ORC2: variants seen among roughly 807,000 people sequenced by gnomAD.
ORC2 encodes the protein origin recognition complex protein 2 homolog.
A neutral mutation model predicts 77.7 loss-of-function variants in ORC2; 37 were observed. The observed-to-expected ratio is 0.48, with a 90% CI of 0.37 to 0.63. The LOEUF (loss-of-function observed/expected upper bound fraction) is 0.63. Among genes scored for constraint, ORC2 ranks in the 20% least tolerant of loss-of-function variants. The pLI is 0.00. For synonymous variants in ORC2, 201 were observed against 229.5 expected, an observed-to-expected ratio of 0.88 and a Z score of 1.12; for missense variants, 557 against 661.9, an observed-to-expected ratio of 0.84 and a Z score of 1.74.
intron 16 of ORC2, 32 bp from the exon 17 acceptor site, chr2:200,913,445 C>A: frequency 6.4e-7 from 1 of 1,556,518 alleles, no homozygotes; most frequent in South Asian, 1.1e-5. Flanking sequence ...GAACATAAGT[C>A]AGCACTTAAG....
chr2:200,961,065 G>A (rs1394654662), intron 1 of ORC2, among the ~76,000 whole-genome samples: 1 of 152,086 alleles, frequency 6.6e-6, no homozygotes, highest in African/African-American at 2.4e-5. Context: ...GTAAGCCACT[G>A]CACCTGGCAG....
intron 15 of ORC2, among the ~76,000 whole-genome samples, chr2:200,915,049 C>T (rs2040619834): frequency 1.0e-5 from 1 of 96,504 alleles, no homozygotes; most frequent in Non-Finnish European, 1.9e-5. Context: ...GAGTTTCGCT[C>T]TTGTTGCCCA....
intron 15 of ORC2, among the ~76,000 whole-genome samples, chr2:200,915,756 C>T (rs556399438): frequency 6.6e-6 from 1 of 151,794 alleles, no homozygotes; most frequent in Non-Finnish European, 1.5e-5. Context: ...TGCAGTGGTG[C>T]GATCTTGGCT....
intron 4 of ORC2, 60 bp from the exon 5 acceptor site, chr2:200,949,703 T>A (rs560209867): frequency 3.0e-6 from 3 of 984,744 alleles, no homozygotes; most frequent in East Asian, 2.4e-5. Flanking sequence ...CAGAAAAAAA[T>A]TTTAACAAAA....
intron 5 of ORC2, among the ~76,000 whole-genome samples, chr2:200,947,043 C>T (rs1386775505): frequency 6.6e-6 from 1 of 152,008 alleles, no homozygotes; most frequent in African/African-American, 2.4e-5. Flanking sequence ...GCCAGAATTA[C>T]AGGTGTGTGC....
intron 4 of ORC2, among the ~76,000 whole-genome samples, chr2:200,956,342 A>C: frequency 6.6e-6 from 1 of 150,964 alleles, no homozygotes; most frequent in African/African-American, 2.4e-5. Flanking sequence ...TGATCCTCCC[A>C]CCTCAGCCTC....
chr2:200,919,508 G>A (rs1041350367), intron 15 of ORC2, among the ~76,000 whole-genome samples: 1 of 152,122 alleles, frequency 6.6e-6, no homozygotes, highest in Non-Finnish European at 1.5e-5. Context: ...ACAGGTGCGT[G>A]CCACCACACC....
chr2:200,963,383 G>T, intron 1 of ORC2, 107 bp downstream of exon 1: 1 of 398,350 alleles, frequency 2.5e-6, no homozygotes, highest in Non-Finnish European at 4.4e-6. Flanking sequence ...GACTTGGGAC[G>T]CTAGGGGCCA....
chr2:200,938,118 A>G, intron 7 of ORC2, 152 bp from the exon 8 acceptor site: 1 of 577,096 alleles, frequency 1.7e-6, no homozygotes, highest in Non-Finnish European at 3.1e-6. Context: ...AGATTATGAC[A>G]AATGGGTTCA....
chr2:200,948,589 G>A (rs993901604), intron 5 of ORC2, among the ~76,000 whole-genome samples: 1 of 151,978 alleles, frequency 6.6e-6, no homozygotes, highest in African/African-American at 2.4e-5. Flanking sequence ...TTGAGATGGA[G>A]TCTTGTTCTG....
chr2:200,926,635 G>T (rs1472828845), intron 12 of ORC2, 133 bp downstream of exon 12: 2 of 749,600 alleles, frequency 2.7e-6, no homozygotes, highest in Admixed American at 2.5e-5. Context: ...CAAACACATG[G>T]TATTAAGCAC....
Position 200,949,760 on chromosome 2 carries a change from A to G in ORC2, c.239-117T>C, listed in dbSNP as rs561629007. The G allele has an allele frequency of 2.0e-3, 984 of 486,526 alleles. 14 individuals carry two copies. In the South Asian group the frequency reaches 0.025, roughly 12 times the overall value. The allele number at this position is 486,526 out of a possible 1,614,324, so 30.1% of individuals were successfully genotyped here. A position where few individuals can be genotyped will look rare whatever the true frequency, so the allele number is the denominator to read the frequency against. On this transcript the variant is annotated intron_variant, in intron 4 of 17. Transcript: ENST00000234296. ...CATAGCCTTGCATAAAGATTTAACT[A>G]TATTTATATATAAAATATTTGGAAA...
At chr2:200,956,236 TA>T (rs1427900287) in intron 4 of ORC2, among the ~76,000 whole-genome samples, 1 of 150,066 alleles carries the variant, frequency 6.7e-6, no homozygotes, top group East Asian at 1.9e-4. Flanking sequence ...CAGCTAGTTT[TA>T]TTTTTTTTTT....
At position 200,963,552 on chromosome 2, in the gene ORC2, G is replaced by A; in HGVS notation, c.-122C>T. 1 of 398,622 alleles carries A rather than the reference G, an allele frequency of 2.5e-6. No homozygotes were observed. Among genetic ancestry groups the A allele is most frequent in the Non-Finnish European group, 4.4e-6 (1 of 226,030 alleles). 24.7% of individuals were successfully genotyped at this position (398,622 alleles called of 1,614,324 possible). A position where few individuals can be genotyped will look rare whatever the true frequency, so the allele number is the denominator to read the frequency against. ...CGCCGGCCGAACGACACCCCGCTGAGTCGCCGCCGCAGGGAAGGTACCTTC... is the reference window on the plus strand; with the variant it reads ...CGCCGGCCGAACGACACCCCGCTGAATCGCCGCCGCAGGGAAGGTACCTTC... On this transcript the variant is annotated 5_prime_UTR_variant, in exon 1 of 18. Transcript: ENST00000234296.
chr2:200,913,221 C>G, intron 17 of ORC2, 74 bp downstream of exon 17: 1 of 1,135,404 alleles, frequency 8.8e-7, no homozygotes, highest in Non-Finnish European at 1.2e-6. Flanking sequence ...AGGTCTAAGT[C>G]AAACATATAT....
At chr2:200,930,628 CCTT>C (rs749868031) in intron 11 of ORC2, among the ~76,000 whole-genome samples, 30 of 151,870 alleles carry the variant, frequency 2.0e-4, no homozygotes, top group African/African-American at 6.0e-4. Flanking sequence ...CATGGCTCTA[CCTT>C]CTTATTTACC....
chr2:200,921,991 T>C (rs577776962), intron 13 of ORC2, among the ~76,000 whole-genome samples: 1 of 151,644 alleles, frequency 6.6e-6, no homozygotes, highest in Non-Finnish European at 1.5e-5. Flanking sequence ...ATACAATAGA[T>C]TGGAGGTGAA....
Position 200,914,010 on chromosome 2 carries a change from CAG to C in ORC2, c.1467-20_1467-19del, listed in dbSNP as rs764215062. ...AAATTCCCCTAAAAAAAAAAAAAAA[CAG>C]GAATTTAAATCCAAAAATGTTAACA... On this transcript the variant is annotated intron_variant, in intron 15 of 17. Transcript: ENST00000234296. 3.9e-6 allele frequency: 4 copies of C among 1,029,236 alleles called. No individual in the cohort carries two copies. Among genetic ancestry groups the C allele is most frequent in the Non-Finnish European group, 1.4e-6 (1 of 703,298 alleles). 63.8% of individuals were successfully genotyped at this position (1,029,236 alleles called of 1,614,324 possible). A position where few individuals can be genotyped will look rare whatever the true frequency, so the allele number is the denominator to read the frequency against.
chr2:200,925,412 T>G (rs1484807326), intron 13 of ORC2, among the ~76,000 whole-genome samples: 2 of 152,134 alleles, frequency 1.3e-5, no homozygotes, highest in Non-Finnish European at 2.9e-5. Context: ...AGGACAAACT[T>G]TTTTAGAGCA....
Sources: allele counts gnomAD v4.1 joint callset (sites outside exome capture counted in the v4.1 genomes callset), GRCh38; gene constraint gnomAD v4.1.1; transcripts MANE v1.5; gene names NCBI Gene and HGNC (gene_info 2026-07-23, HGNC 2026-07-21).